Variants in WWOX observed in about 807,000 individuals in gnomAD.
The protein encoded by WWOX is WW domain containing oxidoreductase.
In WWOX, 69 loss-of-function variants were observed where a neutral mutation model predicts 46.2. The observed-to-expected ratio is 1.49, with a 90% confidence interval of 1.23 to 1.82. WWOX has a LOEUF of 1.82. WWOX is among the 40% of genes most tolerant of loss of function. The pLI is 0.00. For missense variants in WWOX, 919 were observed against 542.6 expected (o/e 1.69, Z -6.89); for synonymous variants, 359 against 202.6 (o/e 1.77, Z -6.56).
chr16:78,586,557 T>C lies in WWOX; in HGVS notation c.1056+153805T>C, dbSNP rs983001292. ...CAACAACCTTGCAATACGCTTGTTA[T>C]CTCCATTTTAGAAACGAGAAAATGG... On this transcript the variant is annotated intron_variant, in intron 8 of 8. Transcript: ENST00000566780. 3.9e-5 allele frequency among the ~76,000 whole-genome samples: 6 copies of C among 152,212 alleles called. No homozygotes were observed. The South Asian group carries it at 8.3e-4, about 21-fold the overall frequency.
intron 8 of WWOX, among the ~76,000 whole-genome samples, chr16:78,605,683 G>A (rs1012547237): frequency 6.6e-6 from 1 of 152,138 alleles, no homozygotes; most frequent in African/African-American, 2.4e-5. Context: ...CGTGCTTGGA[G>A]GCATAGTTCT....
chr16:78,938,394 G>C (rs2045785774), intron 8 of WWOX, among the ~76,000 whole-genome samples: 2 of 152,082 alleles, frequency 1.3e-5, no homozygotes, highest in Admixed American at 1.3e-4. Context: ...TATTTATCAA[G>C]TGCAGAGGCC....
intron 8 of WWOX, among the ~76,000 whole-genome samples, chr16:78,803,353 C>G (rs1311417332): frequency 6.6e-6 from 1 of 151,954 alleles, no homozygotes; most frequent in African/African-American, 2.4e-5. Flanking sequence ...TCTTCATTCT[C>G]AAGTGTAGTA....
At chr16:78,558,637 C>A (rs1265542450) in intron 8 of WWOX, among the ~76,000 whole-genome samples, 1 of 152,238 alleles carries the variant, frequency 6.6e-6, no homozygotes, top group Non-Finnish European at 1.5e-5. Flanking sequence ...TGCCTGCTTA[C>A]ACCTAGCTGT....
rs372970819 is a variant in WWOX at position 79,169,182 on chromosome 16, A to G, written c.1057-42426A>G. Among the ~76,000 whole-genome samples the G allele has an allele frequency of 3.7e-4, 57 of 152,352 alleles. 1 individual carries two copies. Among genetic ancestry groups the G allele is most frequent in the African/African-American group, 1.3e-3 (53 of 41,586 alleles). ...AAACCAAGACTTGAAACATTAAATA[A>G]CATGTCCAAAGTCTCCCATTTCAGA... On this transcript the variant is annotated intron_variant, in intron 8 of 8. Transcript: ENST00000566780.
Position 78,422,663 on chromosome 16 carries a change from G to A in WWOX, c.606-2207G>A, listed in dbSNP as rs9673609. ...GCCCAGCCTCCTGTTTTTTTTACATGTATATATATATATATATATATACAC... is the reference window on the plus strand; with the variant it reads ...GCCCAGCCTCCTGTTTTTTTTACATATATATATATATATATATATATACAC... On this transcript the variant is annotated intron_variant, in intron 6 of 8. Transcript: ENST00000566780. 1.1e-3 allele frequency among the ~76,000 whole-genome samples: 28 copies of A among 24,404 alleles called. 1 individual carries two copies. The highest frequency in any genetic ancestry group is 2.4e-3 in the Non-Finnish European group (22 of 9,236). 16.0% of individuals were successfully genotyped at this position (24,404 alleles called of 152,430 possible). A position where few individuals can be genotyped will look rare whatever the true frequency, so the allele number is the denominator to read the frequency against.
intron 8 of WWOX, among the ~76,000 whole-genome samples, chr16:78,650,184 C>T (rs1019872964): frequency 6.6e-6 from 1 of 152,116 alleles, no homozygotes; most frequent in Non-Finnish European, 1.5e-5. Context: ...GGCTAACTTG[C>T]ATAAAAAGGA....
intron 4 of WWOX, among the ~76,000 whole-genome samples, chr16:78,144,490 C>CGTATATATATATATAT (rs1567596493): frequency 2.8e-4 from 2 of 7,190 alleles, no homozygotes; most frequent in African/African-American, 1.3e-3. Context: ...TATATATACA[C>CGTATATATATATATAT]ACACACACAC....
At chr16:78,977,158 A>C (rs368867588) in intron 8 of WWOX, among the ~76,000 whole-genome samples, 1 of 152,142 alleles carries the variant, frequency 6.6e-6, no homozygotes, top group Non-Finnish European at 1.5e-5. Context: ...CTGGTACCCT[A>C]TATATCATTC....
At chr16:78,469,673 A>G (rs962057728) in intron 8 of WWOX, among the ~76,000 whole-genome samples, 1 of 152,176 alleles carries the variant, frequency 6.6e-6, no homozygotes, top group Admixed American at 6.5e-5. Context: ...GGAATAGTCT[A>G]TGGATTCTGC....
chr16:78,682,391 G>C (rs1402719978), intron 8 of WWOX, among the ~76,000 whole-genome samples: 2 of 152,296 alleles, frequency 1.3e-5, no homozygotes, highest in East Asian at 3.9e-4. Context: ...GTTTCTGCAT[G>C]TGGGTAGTTG....
chr16:78,678,794 G>A (rs1018303021), intron 8 of WWOX, among the ~76,000 whole-genome samples: 6 of 152,118 alleles, frequency 3.9e-5, no homozygotes, highest in African/African-American at 1.4e-4. Flanking sequence ...CTGGGGTTAA[G>A]TGCTTTACAT....
At chr16:78,889,690 G>T (rs1371333679) in intron 8 of WWOX, among the ~76,000 whole-genome samples, 1 of 152,100 alleles carries the variant, frequency 6.6e-6, no homozygotes. Context: ...CAAACTCTCA[G>T]TGTGGGCAGG....
At chr16:78,500,073 A>C (rs143483762) in intron 8 of WWOX, among the ~76,000 whole-genome samples, 2 of 152,228 alleles carry the variant, frequency 1.3e-5, no homozygotes, top group African/African-American at 4.8e-5. Flanking sequence ...ACAGCAAAGC[A>C]GACTAGCATG....
intron 5 of WWOX, among the ~76,000 whole-genome samples, chr16:78,283,023 G>T (rs1363636855): frequency 6.6e-6 from 1 of 152,052 alleles, no homozygotes; most frequent in African/African-American, 2.4e-5. Context: ...CCAGGGCCTG[G>T]CTGACCTATG....
intron 8 of WWOX, among the ~76,000 whole-genome samples, chr16:78,698,437 C>A (rs893430955): frequency 6.6e-6 from 1 of 152,178 alleles, no homozygotes; most frequent in Non-Finnish European, 1.5e-5. Context: ...ATTTTAAATC[C>A]TAGCTCCTTT....
chr16:78,594,832 A>G (rs2045448596), intron 8 of WWOX, among the ~76,000 whole-genome samples: 1 of 152,226 alleles, frequency 6.6e-6, no homozygotes, highest in East Asian at 1.9e-4. Context: ...AAGCAATTTC[A>G]TTTTCATAGT....
intron 8 of WWOX, among the ~76,000 whole-genome samples, chr16:78,922,928 C>A (rs570668393): frequency 6.6e-6 from 1 of 151,514 alleles, no homozygotes; most frequent in African/African-American, 2.4e-5. Context: ...GCCTAGAAAT[C>A]TAACATCTTT....
intron 8 of WWOX, among the ~76,000 whole-genome samples, chr16:78,867,207 T>C (rs1481587251): frequency 6.6e-6 from 1 of 152,122 alleles, no homozygotes; most frequent in Non-Finnish European, 1.5e-5. Context: ...GGCACACTGG[T>C]GAGTGGGGGA....
Sources: gnomAD v4.1 joint callset for allele counts (sites outside exome capture counted in the v4.1 genomes callset) on GRCh38, gnomAD v4.1.1 for gene constraint, MANE v1.5 for transcripts, NCBI Gene and HGNC (gene_info 2026-07-23, HGNC 2026-07-21) for gene names.